Variants in DCAF5 observed in about 807,000 individuals in gnomAD.
DCAF5 encodes the protein DDB1 and CUL4 associated factor 5, also known as DDB1- and CUL4-associated factor 5.
In DCAF5, 9 loss-of-function variants were observed where a neutral mutation model predicts 80.7. The observed-to-expected ratio is 0.11, with a 90% CI of 0.07 to 0.19. The LOEUF is 0.19. Ranked by LOEUF, DCAF5 falls within the 10% of genes least tolerant of loss-of-function variation. The pLI is 1.00. For synonymous variants in DCAF5, 433 were observed against 461.9 expected, an observed-to-expected ratio of 0.94 and a Z score of 0.80; for missense variants, 842 against 1,205.7, an observed-to-expected ratio of 0.70 and a Z score of 4.47.
At chr14:69,123,530 CAT>C (rs1346306094) in intron 1 of DCAF5, among the ~76,000 whole-genome samples, 2 of 152,090 alleles carry the variant, frequency 1.3e-5, no homozygotes, top group Non-Finnish European at 2.9e-5. Context: ...TATATATATA[CAT>C]GTAACTTACC....
chr14:69,124,783 C>G (rs1338130610), intron 1 of DCAF5, among the ~76,000 whole-genome samples: 1 of 152,132 alleles, frequency 6.6e-6, no homozygotes, highest in East Asian at 1.9e-4. Context: ...CACTTTAGTT[C>G]TCTATAGTCT....
rs2041729288 is a variant in DCAF5, at chr14:69,152,216, CCA to C, written c.214+547_214+548del. Among the ~76,000 whole-genome samples, 1 of 152,188 alleles carries C rather than the reference CCA, an allele frequency of 6.6e-6. No individual in the cohort carries two copies. The highest frequency in any genetic ancestry group is 2.4e-5 in the African/African-American group (1 of 41,446). On this transcript the variant is annotated intron_variant, in intron 1 of 8. Transcript: ENST00000341516. The surrounding 1 kb of genome is among the most constrained non-coding windows in gnomAD (Gnocchi z 4.1). The stretch of plus-strand genomic sequence containing the variant: ...GGCGGCCCACAGCGACCCTACCGCC[CCA>C]GTCACTTCCCCTCTGCAGACCCCGC...
chr14:69,057,368 A>G (rs1159621237), intron 8 of DCAF5, among the ~76,000 whole-genome samples: 2 of 150,078 alleles, frequency 1.3e-5, no homozygotes. Context: ...TTTGCATCTT[A>G]TTTGTAATTC....
chr14:69,121,829 G>A (rs57674546), intron 2 of DCAF5, among the ~76,000 whole-genome samples: 1,870 of 152,088 alleles, frequency 0.012, 32 homozygotes, highest in East Asian at 0.057. Flanking sequence ...ATTCATCTGC[G>A]TTATGGCCAG....
chr14:69,079,228 A>C (rs1355347290), intron 6 of DCAF5, among the ~76,000 whole-genome samples: 1 of 152,216 alleles, frequency 6.6e-6, no homozygotes, highest in East Asian at 1.9e-4. Flanking sequence ...AAGCCATGAG[A>C]AGGGAAAACA....
At chr14:69,070,118 C>CT (rs1158654009) in intron 7 of DCAF5, among the ~76,000 whole-genome samples, 6 of 152,198 alleles carry the variant, frequency 3.9e-5, no homozygotes, top group Non-Finnish European at 8.8e-5. Flanking sequence ...CCTAACAACT[C>CT]TATCACATTA....
intron 7 of DCAF5, among the ~76,000 whole-genome samples, chr14:69,072,257 A>G (rs1416166707): frequency 6.6e-6 from 1 of 152,238 alleles, no homozygotes; most frequent in African/African-American, 2.4e-5. Flanking sequence ...TATTATGAGC[A>G]TGTTATAGGC....
chr14:69,124,374 C>T (rs1391490145), intron 1 of DCAF5, among the ~76,000 whole-genome samples: 1 of 152,118 alleles, frequency 6.6e-6, no homozygotes, highest in African/African-American at 2.4e-5. Flanking sequence ...TCCTATACTG[C>T]TTGACTTTTT....
intron 1 of DCAF5, among the ~76,000 whole-genome samples, chr14:69,132,340 T>C (rs2041066925): frequency 6.6e-6 from 1 of 152,214 alleles, no homozygotes; most frequent in South Asian, 2.1e-4. Flanking sequence ...GTCATCCTAA[T>C]GGGTGTGAAA....
chr14:69,145,245 G>A (rs532626187), intron 1 of DCAF5, among the ~76,000 whole-genome samples: 6 of 152,064 alleles, frequency 3.9e-5, no homozygotes, highest in African/African-American at 9.6e-5. Flanking sequence ...CTCAAACTCC[G>A]GGGCTCAAGT....
chr14:69,123,012 A>G (rs925662746), intron 1 of DCAF5, among the ~76,000 whole-genome samples: 2 of 152,176 alleles, frequency 1.3e-5, no homozygotes, highest in African/African-American at 4.8e-5. Flanking sequence ...AGAAGGCTAT[A>G]CTATTTTCCT....
intron 5 of DCAF5, among the ~76,000 whole-genome samples, chr14:69,102,771 C>G (rs1312407802): frequency 1.3e-5 from 2 of 152,080 alleles, no homozygotes; most frequent in African/African-American, 2.4e-5. Flanking sequence ...CCTGAAGGAC[C>G]TGCCTGAAGC....
intron 4 of DCAF5, 104 bp from the exon 5 acceptor site, chr14:69,116,599 CACT>C: frequency 7.1e-7 from 1 of 1,399,234 alleles, no homozygotes; most frequent in Non-Finnish European, 9.7e-7. Context: ...CTTTAATAAC[CACT>C]CCAACGGCCT....
intron 1 of DCAF5, among the ~76,000 whole-genome samples, chr14:69,133,985 A>C (rs2041118368): frequency 6.6e-6 from 1 of 152,220 alleles, no homozygotes; most frequent in South Asian, 2.1e-4. Context: ...AATGTCTCTA[A>C]TTCCTGATCA....
At chr14:69,103,022 G>A (rs551004795) in intron 5 of DCAF5, among the ~76,000 whole-genome samples, 52 of 152,240 alleles carry the variant, frequency 3.4e-4, no homozygotes, top group African/African-American at 1.3e-3. Flanking sequence ...ACATTACCAG[G>A]TGACAGGAAT....
Position 69,152,630 on chromosome 14 carries a change from C to T in DCAF5, c.214+135G>A. The T allele has an allele frequency of 1.5e-6, 1 of 662,556 alleles. No individual in the cohort carries two copies. Among genetic ancestry groups the T allele is most frequent in the Admixed American group, 2.9e-5 (1 of 34,890 alleles). The allele number at this position is 662,556 out of a possible 1,614,324, so 41.0% of individuals were successfully genotyped here. A position where few individuals can be genotyped will look rare whatever the true frequency, so the allele number is the denominator to read the frequency against. Reference sequence around the variant, plus strand: ...GCAATGGTTTTAATTTGACACCAAACCTTCCCACCGCAGAAGGGGGTAGAG... The same window carrying T: ...GCAATGGTTTTAATTTGACACCAAATCTTCCCACCGCAGAAGGGGGTAGAG... On this transcript the variant is annotated intron_variant, in intron 1 of 8. Coordinates refer to ENST00000341516, the MANE Select transcript of DCAF5 (RefSeq NM_003861.3). This position sits in a 1 kb window ranked among gnomAD's most constrained non-coding sequence, Gnocchi z 4.1.
intron 5 of DCAF5, among the ~76,000 whole-genome samples, chr14:69,102,284 T>C (rs1041496637): frequency 7.2e-5 from 11 of 151,848 alleles, no homozygotes; most frequent in African/African-American, 2.7e-4. Flanking sequence ...AATTTTTGTA[T>C]TTTTAGTAGA....
chr14:69,110,338 C>T (rs370850395), intron 5 of DCAF5, among the ~76,000 whole-genome samples: 3 of 144,480 alleles, frequency 2.1e-5, no homozygotes, highest in East Asian at 2.0e-4. Flanking sequence ...GGTGCAATCT[C>T]GGCTCACTGC....
chr14:69,143,552 A>AT lies in DCAF5; in HGVS notation c.214+9212_214+9213insA, dbSNP rs1279373243. Among the ~76,000 whole-genome samples, 20 of 119,408 alleles carry AT rather than the reference A, an allele frequency of 1.7e-4. 1 individual carries two copies. The highest frequency in any genetic ancestry group is 5.1e-4 in the African/African-American group (15 of 29,612). 78.3% of individuals were successfully genotyped at this position (119,408 alleles called of 152,430 possible). On this transcript the variant is annotated intron_variant, in intron 1 of 8. Coordinates refer to ENST00000341516, the MANE Select transcript of DCAF5 (RefSeq NM_003861.3). ...ATTAGCTATTTAAAAAATCTGTTAA[A>AT]CTTTTTTTTTTTTTTTTTTTTTTTT...
Sources: gnomAD v4.1 joint callset for allele counts (sites outside exome capture counted in the v4.1 genomes callset) on GRCh38, gnomAD v4.1.1 for gene constraint, Gnocchi (gnomAD v3.1) non-coding constraint, MANE v1.5 for transcripts, NCBI Gene and HGNC (gene_info 2026-07-23, HGNC 2026-07-21) for gene names.